TEK: variants seen among roughly 807,000 people sequenced by gnomAD.
TEK encodes angiopoietin-1 receptor.
A neutral mutation model predicts 131.8 loss-of-function variants in TEK; 43 were observed. That is an observed-to-expected ratio of 0.33 (90% CI 0.26 to 0.42). The LOEUF (loss-of-function observed/expected upper bound fraction) is 0.42, where lower values mean the gene tolerates loss of function less well. TEK is among the 10% of genes least tolerant of loss of function. The probability of loss-of-function intolerance (pLI) is 1.00; values close to 1 mark genes in which losing one functional copy is unlikely to be tolerated. For missense variants in TEK, 1,162 were observed against 1,384.4 expected (o/e 0.84, Z 2.55); for synonymous variants, 580 against 491.6 (o/e 1.18, Z -2.38).
intron 1 of TEK, among the ~76,000 whole-genome samples, chr9:27,122,233 A>T (rs1821821139): frequency 6.6e-6 from 1 of 152,180 alleles, no homozygotes; most frequent in Admixed American, 6.5e-5. Context: ...AAGCAGTTGC[A>T]GTCTGGTGGG....
At chr9:27,152,598 G>GCC (rs1554691190) in intron 1 of TEK, among the ~76,000 whole-genome samples, 1 of 143,418 alleles carries the variant, frequency 7.0e-6, no homozygotes, top group African/African-American at 2.7e-5. Context: ...AAGCCCCCCC[G>GCC]CCGCAAAAAA....
chr9:27,199,736 C>A (rs1488338968), intron 12 of TEK, among the ~76,000 whole-genome samples: 5 of 152,092 alleles, frequency 3.3e-5, no homozygotes, highest in African/African-American at 1.2e-4. Context: ...GGTTGTCTTT[C>A]TTACTGATTT....
At chr9:27,122,828 T>C (rs1257258209) in intron 1 of TEK, among the ~76,000 whole-genome samples, 2 of 151,818 alleles carry the variant, frequency 1.3e-5, no homozygotes, top group Non-Finnish European at 2.9e-5. Flanking sequence ...CCACGGCAGC[T>C]AGATCACGAG....
chr9:27,164,701 T>C (rs1359584442), intron 2 of TEK, among the ~76,000 whole-genome samples: 2 of 152,152 alleles, frequency 1.3e-5, no homozygotes, highest in Non-Finnish European at 2.9e-5. Flanking sequence ...AGCTAATTTT[T>C]AAATATTTTT....
chr9:27,182,657 C>A lies in TEK; in HGVS notation c.1031-802C>A. 1.3e-5 allele frequency among the ~76,000 whole-genome samples: 2 copies of A among 152,162 alleles called. 1 individual carries two copies. Among genetic ancestry groups the A allele is most frequent in the Non-Finnish European group, 2.9e-5 (2 of 68,030 alleles). ...TGTTTACTGAGTGTTGGACAATTTT[C>A]AAACATGTCTCACATTCAATTACAA... On this transcript the variant is annotated intron_variant, in intron 7 of 22. Coordinates refer to ENST00000380036, the MANE Select transcript of TEK (RefSeq NM_000459.5).
At chr9:27,138,227 G>T (rs1214613146) in intron 1 of TEK, among the ~76,000 whole-genome samples, 1 of 152,204 alleles carries the variant, frequency 6.6e-6, no homozygotes, top group Non-Finnish European at 1.5e-5. Flanking sequence ...GTGTGGAAGG[G>T]GATCTGAGCG....
intron 2 of TEK, among the ~76,000 whole-genome samples, chr9:27,167,386 C>T (rs1366430310): frequency 6.6e-6 from 1 of 152,046 alleles, no homozygotes; most frequent in African/African-American, 2.4e-5. Flanking sequence ...TCCCACCGTG[C>T]CCGGCTAATT....
At chr9:27,213,362 G>A in intron 17 of TEK, 122 bp from the exon 18 acceptor site, 2 of 718,062 alleles carry the variant, frequency 2.8e-6, no homozygotes, top group Non-Finnish European at 4.9e-6. Flanking sequence ...AACTTTAAGG[G>A]AACTGGATTG....
intron 20 of TEK, among the ~76,000 whole-genome samples, chr9:27,219,172 A>G (rs1375320540): frequency 6.6e-6 from 1 of 152,228 alleles, no homozygotes; most frequent in Non-Finnish European, 1.5e-5. Context: ...AATTTCATGT[A>G]TACCCTGATC....
intron 21 of TEK, among the ~76,000 whole-genome samples, chr9:27,224,601 G>A (rs75015653): frequency 3.4e-4 from 51 of 152,124 alleles, no homozygotes; most frequent in Non-Finnish European, 6.8e-4. Context: ...TTGATGGAAC[G>A]TATCTCAAAA....
intron 1 of TEK, among the ~76,000 whole-genome samples, chr9:27,130,249 T>C (rs1394294670): frequency 6.6e-6 from 1 of 152,116 alleles, no homozygotes; most frequent in Non-Finnish European, 1.5e-5. Context: ...TGAGTTTATA[T>C]AAAATTTAAA....
At chr9:27,163,127 A>G (rs1026788171) in intron 2 of TEK, among the ~76,000 whole-genome samples, 9 of 152,232 alleles carry the variant, frequency 5.9e-5, no homozygotes, top group African/African-American at 2.2e-4. Flanking sequence ...TATCAAATAT[A>G]TATCAGATGA....
At chr9:27,127,909 A>G (rs981129591) in intron 1 of TEK, among the ~76,000 whole-genome samples, 13 of 151,818 alleles carry the variant, frequency 8.6e-5, no homozygotes, top group African/African-American at 2.9e-4. Flanking sequence ...GCAAAATTTT[A>G]CTCCCATTCT....
intron 16 of TEK, among the ~76,000 whole-genome samples, chr9:27,211,191 A>ATGTATATATATATGAATATATATG (rs1554701094): frequency 5.6e-5 from 8 of 143,328 alleles, no homozygotes; most frequent in Non-Finnish European, 1.1e-4. Flanking sequence ...ATATGAATAT[A>ATGTATATATATATGAATATATATG]TGTATATATA....
intron 7 of TEK, among the ~76,000 whole-genome samples, chr9:27,181,757 G>A (rs1021563314): frequency 3.9e-5 from 6 of 152,096 alleles, no homozygotes; most frequent in South Asian, 2.1e-4. Flanking sequence ...ATCCACTGTC[G>A]TAGAATATAC....
Position 27,137,532 on chromosome 9 carries a change from T to C in TEK, c.53-20299T>C, listed in dbSNP as rs77072529. Among the ~76,000 whole-genome samples the C allele has an allele frequency of 1.8e-3, 280 of 152,252 alleles. 1 individual carries two copies. The highest frequency in any genetic ancestry group is 5.9e-3 in the African/African-American group (244 of 41,554). Reference sequence around the variant, plus strand: ...TCATTAGCAAAACCAGCTGGCCCTATGGATTTTTGGTGAGATAAGTTAGGC... The same window carrying C: ...TCATTAGCAAAACCAGCTGGCCCTACGGATTTTTGGTGAGATAAGTTAGGC... On this transcript the variant is annotated intron_variant, in intron 1 of 22. Coordinates refer to ENST00000380036, the MANE Select transcript of TEK (RefSeq NM_000459.5).
At chr9:27,171,003 A>G (rs1270950592) in intron 4 of TEK, among the ~76,000 whole-genome samples, 1 of 152,196 alleles carries the variant, frequency 6.6e-6, no homozygotes, top group Non-Finnish European at 1.5e-5. Flanking sequence ...GGGTTAGACT[A>G]ACATCTGCTT....
At chr9:27,224,666 A>G (rs10967780) in intron 21 of TEK, among the ~76,000 whole-genome samples, 1 of 151,976 alleles carries the variant, frequency 6.6e-6, no homozygotes, top group African/African-American at 2.4e-5. Flanking sequence ...AATGGACAAA[A>G]GCTGGAAGCA....
At position 27,172,671 on chromosome 9, in the gene TEK, G is replaced by C. The variant is rs1824002308; in HGVS notation, c.684G>C (p.Met228Ile). 1.2e-6 allele frequency: 2 copies of C among 1,613,664 alleles called. No homozygotes were observed. The highest frequency in any genetic ancestry group is 1.7e-6 in the Non-Finnish European group (2 of 1,179,754). ...PECNHLCTAC[M>I]NNGVCHEDTG... ...GCAACCATCTCTGTACTGCTTGTAT[G>C]AACAATGGTGTCTGCCATGAAGATA... is the stretch of plus-strand genomic sequence containing the variant. Residue 228 changes from methionine to isoleucine, a missense_variant, in exon 5 of 23, where the codon ATG becomes ATC. Transcript: ENST00000380036.
Sources: allele counts gnomAD v4.1 joint callset (sites outside exome capture counted in the v4.1 genomes callset), GRCh38; gene constraint gnomAD v4.1.1; transcripts MANE v1.5; gene names NCBI Gene and HGNC (gene_info 2026-07-23, HGNC 2026-07-21).